Variants in ATP10A observed in about 807,000 individuals in gnomAD.
ATP10A encodes the protein ATPase phospholipid transporting 10A (putative).
A neutral mutation model predicts 147.8 loss-of-function variants in ATP10A; 111 were observed. That is an observed-to-expected ratio of 0.75 (90% CI 0.64 to 0.88). ATP10A has a LOEUF of 0.88. Ranked by LOEUF, ATP10A falls within the 40% of genes least tolerant of loss-of-function variation. ATP10A has a pLI of 0.00. For synonymous variants in ATP10A, 875 were observed against 841.6 expected (o/e 1.04, Z -0.69); for missense variants, 1,927 against 1,959.0 (o/e 0.98, Z 0.31).
chr15:25,719,725 G>A (rs1009210235), intron 7 of ATP10A, among the ~76,000 whole-genome samples: 1 of 152,102 alleles, frequency 6.6e-6, no homozygotes. Flanking sequence ...ATGTCCCCAG[G>A]AAAGATGAGG....
chr15:25,702,307 C>T (rs146443627), intron 12 of ATP10A, among the ~76,000 whole-genome samples: 14 of 152,304 alleles, frequency 9.2e-5, no homozygotes, highest in East Asian at 7.7e-4. Flanking sequence ...CAGTGGTGGA[C>T]GCTTTTGACA....
chr15:25,713,664 G>C lies in ATP10A; in HGVS notation c.2344+10C>G. 1.2e-6 allele frequency: 2 copies of C among 1,612,792 alleles called. No homozygotes were observed. Among genetic ancestry groups the C allele is most frequent in the Non-Finnish European group, 1.7e-6 (2 of 1,179,466 alleles). ...CGAGCTGGGGTGCAGCTGGGCAGGG[G>C]TGGGAGTACCTGAAGAGCAGGGCTG... On this transcript the variant is annotated intron_variant, in intron 10 of 20. Transcript: ENST00000555815.
At chr15:25,810,285 C>T (rs61991500) in intron 1 of ATP10A, among the ~76,000 whole-genome samples, 19 of 152,184 alleles carry the variant, frequency 1.2e-4, no homozygotes, top group Non-Finnish European at 2.4e-4. Context: ...CGTTCCCTGT[C>T]CCTGGTCACC....
intron 1 of ATP10A, among the ~76,000 whole-genome samples, chr15:25,827,348 G>C (rs1037224979): frequency 3.3e-5 from 5 of 152,194 alleles, no homozygotes; most frequent in African/African-American, 1.2e-4. Context: ...ACCAGTAAAA[G>C]TATCTACTAA....
chr15:25,860,357 G>C (rs892837789), intron 1 of ATP10A, among the ~76,000 whole-genome samples: 1 of 152,170 alleles, frequency 6.6e-6, no homozygotes, highest in Non-Finnish European at 1.5e-5. Flanking sequence ...CCCGGGGCTG[G>C]GAGCCCCACC....
chr15:25,765,475 A>G (rs1376107173), intron 2 of ATP10A, among the ~76,000 whole-genome samples: 1 of 152,130 alleles, frequency 6.6e-6, no homozygotes, highest in Non-Finnish European at 1.5e-5. Flanking sequence ...TCCCACCCAC[A>G]TTCCAGAATT....
At chr15:25,799,380 G>A (rs1216492686) in intron 1 of ATP10A, among the ~76,000 whole-genome samples, 1 of 152,154 alleles carries the variant, frequency 6.6e-6, no homozygotes, top group Non-Finnish European at 1.5e-5. Flanking sequence ...GTGCTCAAAT[G>A]TAGCTTCTGG....
Position 25,771,440 on chromosome 15 carries a change from G to T in ATP10A, c.654+9579C>A, listed in dbSNP as rs188005856. On this transcript the variant is annotated intron_variant, in intron 2 of 20. Transcript: ENST00000555815. Reference sequence around the variant, plus strand: ...ATAAAAAGAAAAACATTAGGTCTGCGATCTAAGTCTAGCTTCTAAAACTAA... The same window carrying T: ...ATAAAAAGAAAAACATTAGGTCTGCTATCTAAGTCTAGCTTCTAAAACTAA... 2.0e-5 allele frequency among the ~76,000 whole-genome samples: 3 copies of T among 152,204 alleles called. No homozygotes were observed. In the East Asian group the frequency reaches 5.8e-4, roughly 29 times the overall value.
In ATP10A at chr15:25,833,441, C is replaced by T. The variant is rs115553064; in HGVS notation, c.449+29207G>A. Among the ~76,000 whole-genome samples the T allele has an allele frequency of 4.2e-3, 634 of 152,218 alleles. 3 individuals carry two copies. The highest frequency in any genetic ancestry group is 0.015 in the African/African-American group (604 of 41,530). On this transcript the variant is annotated intron_variant, in intron 1 of 20. Coordinates refer to ENST00000555815, the MANE Select transcript of ATP10A (RefSeq NM_024490.4). Reference sequence around the variant, plus strand: ...CCGAAGATGACTGGTCTGAGGCCTGCTCACCATGAATTTCTTGTGATAACC... The same window carrying T: ...CCGAAGATGACTGGTCTGAGGCCTGTTCACCATGAATTTCTTGTGATAACC...
intron 2 of ATP10A, among the ~76,000 whole-genome samples, chr15:25,749,699 T>C (rs1226650419): frequency 1.3e-5 from 2 of 152,178 alleles, no homozygotes; most frequent in African/African-American, 4.8e-5. Context: ...GACACAGATG[T>C]TAGAATTTGT....
intron 3 of ATP10A, among the ~76,000 whole-genome samples, chr15:25,733,890 G>C (rs8040705): frequency 0.82 from 124,645 of 151,972 alleles, 51,396 homozygotes; most frequent in Admixed American, 0.89. Context: ...GGACACCACA[G>C]GAGGAACGCC....
At chr15:25,712,914 C>T (rs1901530485) in intron 10 of ATP10A, among the ~76,000 whole-genome samples, 1 of 152,212 alleles carries the variant, frequency 6.6e-6, no homozygotes. Context: ...TCTCCTGAGG[C>T]ACTGAGATGC....
At position 25,739,131 on chromosome 15, in the gene ATP10A, G is replaced by A. The variant is rs189513524; in HGVS notation, c.655-2990C>T. On this transcript the variant is annotated intron_variant, in intron 2 of 20. Coordinates refer to ENST00000555815, the MANE Select transcript of ATP10A (RefSeq NM_024490.4). The stretch of plus-strand genomic sequence containing the variant: ...GTCATCCAGGCTGGAGTGCAGTGGC[G>A]GGATTTTGGCTCACTGCAACCTCCA... Among the ~76,000 whole-genome samples the A allele has an allele frequency of 6.7e-4, 102 of 152,212 alleles. 1 individual carries two copies. The highest frequency in any genetic ancestry group is 2.4e-3 in the African/African-American group (98 of 41,532).
Position 25,746,839 on chromosome 15 carries a change from C to T in ATP10A, c.655-10698G>A, listed in dbSNP as rs8025040. Among the ~76,000 whole-genome samples, 1,081 of 152,248 alleles carry T rather than the reference C, an allele frequency of 7.1e-3. 4 individuals are homozygous for T. Among genetic ancestry groups the T allele is most frequent in the African/African-American group, 0.025 (1,031 of 41,538 alleles). On this transcript the variant is annotated intron_variant, in intron 2 of 20. Transcript: ENST00000555815. ...TCCAAAATCCAAAATGCTTCAAGATCTAAAACTTTTTGTGTGTTGGCATAT... is the reference window on the plus strand; with the variant it reads ...TCCAAAATCCAAAATGCTTCAAGATTTAAAACTTTTTGTGTGTTGGCATAT...
At chr15:25,858,540 C>T (rs2140923427) in intron 1 of ATP10A, among the ~76,000 whole-genome samples, 1 of 152,232 alleles carries the variant, frequency 6.6e-6, no homozygotes, top group Non-Finnish European at 1.5e-5. Context: ...CTCATCTGCT[C>T]AGCTCTTCCA....
intron 12 of ATP10A, among the ~76,000 whole-genome samples, chr15:25,705,463 A>C (rs1350781833): frequency 1.7e-3 from 5 of 2,986 alleles, no homozygotes; most frequent in Non-Finnish European, 7.4e-3. Context: ...ACAAAAAAAA[A>C]AAACAAAAAA....
chr15:25,676,714 G>T (rs1286541759), downstream of ATP10A, among the ~76,000 whole-genome samples: 2 of 149,690 alleles, frequency 1.3e-5, no homozygotes, highest in Non-Finnish European at 3.0e-5. Flanking sequence ...AGTCTATGTT[G>T]TCTGATATTA....
In ATP10A at chr15:25,727,167, G is replaced by A. The variant is rs775583877; in HGVS notation, c.840C>T (p.Ile280=). Residue 280 remains isoleucine (I), a synonymous_variant, in exon 4 of 21, where the codon ATC becomes ATT. Coordinates refer to ENST00000555815, the MANE Select transcript of ATP10A (RefSeq NM_024490.4). The part of the protein sequence containing the change: ...RNTDAVVGIV[I]YAGHETKALL... ...CCAGGTGCCCGAGCCTACCTGCGTAGATGACAATGCCGACGACTGCGTCCG... is the reference window on the plus strand; with the variant it reads ...CCAGGTGCCCGAGCCTACCTGCGTAAATGACAATGCCGACGACTGCGTCCG... 1.9e-6 allele frequency: 3 copies of A among 1,614,100 alleles called. No homozygotes were observed. Among genetic ancestry groups the A allele is most frequent in the African/African-American group, 1.3e-5 (1 of 75,062 alleles).
chr15:25,674,711 T>C (rs571082858), downstream of ATP10A, among the ~76,000 whole-genome samples: 2 of 152,340 alleles, frequency 1.3e-5, no homozygotes, highest in Admixed American at 1.3e-4. Flanking sequence ...AAAGTTAACA[T>C]CTGTAAAACT....
Sources: gnomAD v4.1 joint callset for allele counts (sites outside exome capture counted in the v4.1 genomes callset) on GRCh38, gnomAD v4.1.1 for gene constraint, MANE v1.5 for transcripts, NCBI Gene and HGNC (gene_info 2026-07-23, HGNC 2026-07-21) for gene names.